Variants in DSCAM observed in about 807,000 individuals in gnomAD.
DSCAM encodes the protein DS cell adhesion molecule.
A neutral mutation model predicts 217.7 loss-of-function variants in DSCAM; 47 were observed. That is an observed-to-expected ratio of 0.22 (90% CI 0.17 to 0.28). The LOEUF (loss-of-function observed/expected upper bound fraction) is 0.28, where lower values mean the gene tolerates loss of function less well. DSCAM is among the 10% of genes least tolerant of loss of function. The pLI, the probability that DSCAM is intolerant of heterozygous loss-of-function variation, is 1.00. For synonymous variants in DSCAM, 1,056 were observed against 1,015.3 expected, an observed-to-expected ratio of 1.04 and a Z score of -0.76; for missense variants, 2,080 against 2,618.3, an observed-to-expected ratio of 0.79 and a Z score of 4.49.
At chr21:40,559,817 G>A (rs982953784) in intron 3 of DSCAM, among the ~76,000 whole-genome samples, 1 of 141,628 alleles carries the variant, frequency 7.1e-6, no homozygotes, top group African/African-American at 2.7e-5. Context: ...CTTTGAGATG[G>A]AGTCTCGCTC....
At chr21:40,678,137 A>C (rs887062141) in intron 3 of DSCAM, among the ~76,000 whole-genome samples, 9 of 152,170 alleles carry the variant, frequency 5.9e-5, no homozygotes, top group Non-Finnish European at 1.5e-5. Context: ...TTTTCAATGA[A>C]CTTCTTTCAG....
At chr21:40,535,182 A>G (rs1054013478) in intron 3 of DSCAM, among the ~76,000 whole-genome samples, 1 of 152,240 alleles carries the variant, frequency 6.6e-6, no homozygotes, top group Admixed American at 6.5e-5. Flanking sequence ...TTAAAGGTGT[A>G]GGGGAGAATT....
chr21:40,018,786 T>C (rs545257712), intron 32 of DSCAM, among the ~76,000 whole-genome samples: 1 of 152,362 alleles, frequency 6.6e-6, no homozygotes, highest in East Asian at 1.9e-4. Context: ...AAATCCTTCC[T>C]AATGGAAACA....
At chr21:40,329,341 G>A (rs1243095868) in intron 8 of DSCAM, among the ~76,000 whole-genome samples, 1 of 151,998 alleles carries the variant, frequency 6.6e-6, no homozygotes, top group East Asian at 1.9e-4. Context: ...AAAGGGACAA[G>A]TTAAAATAAA....
Position 40,144,378 on chromosome 21 carries a change from A to C in DSCAM, c.3259+113T>G, listed in dbSNP as rs1290809066. On this transcript the variant is annotated intron_variant, in intron 17 of 32. Transcript: ENST00000400454. This position sits in a 1 kb window ranked among gnomAD's most constrained non-coding sequence, Gnocchi z 4.8. ...TTCCACCCGAGACCCCAGGCCCTGC[A>C]GGTCACTGCAAAGTCGTGGGGCGGG... The C allele has an allele frequency of 1.3e-6, 2 of 1,495,166 alleles. No individual in the cohort carries two copies. The highest frequency in any genetic ancestry group is 1.8e-6 in the Non-Finnish European group (2 of 1,105,136). The allele number at this position is 1,495,166 out of a possible 1,614,324, so 92.6% of individuals were successfully genotyped here. A position where few individuals can be genotyped will look rare whatever the true frequency, so the allele number is the denominator to read the frequency against.
At chr21:40,741,903 G>A (rs1037219323) in intron 1 of DSCAM, among the ~76,000 whole-genome samples, 1 of 152,140 alleles carries the variant, frequency 6.6e-6, no homozygotes, top group African/African-American at 2.4e-5. Flanking sequence ...TTCCTTAAAT[G>A]AGAATTTCTA....
intron 3 of DSCAM, among the ~76,000 whole-genome samples, chr21:40,396,423 A>G (rs1402003084): frequency 1.3e-5 from 2 of 152,158 alleles, no homozygotes; most frequent in African/African-American, 4.8e-5. Context: ...CGGTTTCCCA[A>G]CACAAGGAGG....
chr21:40,823,268 A>C lies in DSCAM; in HGVS notation c.43+23351T>G, dbSNP rs903338241. 7.9e-5 allele frequency among the ~76,000 whole-genome samples: 12 copies of C among 151,172 alleles called. No individual in the cohort carries two copies. In the South Asian group the frequency reaches 2.5e-3, roughly 32 times the overall value. ...GATGAGGAGAGAAAGGAAGACAGAC[A>C]AGGAGGCCAAAAACAGATAAACCAT... On this transcript the variant is annotated intron_variant, in intron 1 of 32. Transcript: ENST00000400454.
chr21:40,058,381 C>A (rs2051748481), intron 28 of DSCAM, among the ~76,000 whole-genome samples: 1 of 152,156 alleles, frequency 6.6e-6, no homozygotes, highest in Admixed American at 6.5e-5. Flanking sequence ...GTCTGCTTGG[C>A]ACTTATTACT....
chr21:40,427,193 C>G (rs904924822), intron 3 of DSCAM, among the ~76,000 whole-genome samples: 1 of 152,196 alleles, frequency 6.6e-6, no homozygotes, highest in African/African-American at 2.4e-5. Flanking sequence ...TCTGTCCCAG[C>G]TGACCAGACC....
At chr21:40,270,144 T>TG (rs1352924739) in intron 11 of DSCAM, among the ~76,000 whole-genome samples, 4 of 152,198 alleles carry the variant, frequency 2.6e-5, no homozygotes, top group African/African-American at 4.8e-5. Context: ...ACCAAGGGCG[T>TG]GGCAGCTGCT....
chr21:40,630,822 A>G (rs1424307112), intron 3 of DSCAM: 1 of 152,132 alleles, frequency 6.6e-6, no homozygotes, highest in Non-Finnish European at 1.5e-5. Flanking sequence ...GTAGAGTGTC[A>G]CCCAAAGGTG....
At chr21:40,167,792 C>T (rs903860935) in intron 15 of DSCAM, among the ~76,000 whole-genome samples, 3 of 152,152 alleles carry the variant, frequency 2.0e-5, no homozygotes, top group African/African-American at 7.2e-5. Context: ...TGTGGCCGGG[C>T]ACGGTGGCTC....
intron 1 of DSCAM, among the ~76,000 whole-genome samples, chr21:40,768,010 T>C (rs2091410917): frequency 6.6e-6 from 1 of 151,946 alleles, no homozygotes; most frequent in Non-Finnish European, 1.5e-5. Context: ...AGAAAAAAAA[T>C]CAAGAATAAT....
intron 3 of DSCAM, among the ~76,000 whole-genome samples, chr21:40,498,923 T>A (rs1272148160): frequency 6.6e-6 from 1 of 150,466 alleles, no homozygotes; most frequent in Non-Finnish European, 1.5e-5. Flanking sequence ...TCCACAGAAT[T>A]TCTCAATGCT....
At chr21:40,318,711 A>G (rs2074227577) in intron 8 of DSCAM, among the ~76,000 whole-genome samples, 1 of 152,226 alleles carries the variant, frequency 6.6e-6, no homozygotes, top group African/African-American at 2.4e-5. Context: ...GCCAAGATGC[A>G]GAGACATATG....
chr21:40,195,666 G>A (rs919764993), intron 11 of DSCAM, among the ~76,000 whole-genome samples: 3 of 152,126 alleles, frequency 2.0e-5, no homozygotes, highest in African/African-American at 7.2e-5. Flanking sequence ...GAGCAGATAT[G>A]GCAGAGGAGG....
rs113816156 is a variant in DSCAM, at chr21:40,085,209, T to G, written c.4132+393A>C. The stretch of plus-strand genomic sequence containing the variant: ...AATACATTGCATATAAAAATTGAGT[T>G]AATTAGCATACAAAAAAGACCACAA... On this transcript the variant is annotated intron_variant, in intron 23 of 32. Transcript: ENST00000400454. Among the ~76,000 whole-genome samples the G allele has an allele frequency of 2.7e-4, 41 of 152,350 alleles. 1 individual carries two copies. Among genetic ancestry groups the G allele is most frequent in the African/African-American group, 8.9e-4 (37 of 41,588 alleles).
chr21:40,336,153 G>A (rs1369247323), intron 8 of DSCAM, among the ~76,000 whole-genome samples: 1 of 152,164 alleles, frequency 6.6e-6, no homozygotes, highest in Non-Finnish European at 1.5e-5. Flanking sequence ...CTATTTTCAA[G>A]CAGAGTATGT....
Sources: gnomAD v4.1 joint callset for allele counts (sites outside exome capture counted in the v4.1 genomes callset) on GRCh38, gnomAD v4.1.1 for gene constraint, Gnocchi (gnomAD v3.1) non-coding constraint, MANE v1.5 for transcripts, NCBI Gene and HGNC (gene_info 2026-07-23, HGNC 2026-07-21) for gene names.